The following HECW1 variants were observed in gnomAD, a reference collection of about 807,000 sequenced individuals.
The protein encoded by HECW1 is E3 ubiquitin-protein ligase HECW1.
In HECW1, 61 loss-of-function variants were observed where a neutral mutation model predicts 182.3. The ratio of observed to expected loss-of-function variants is 0.33; its 90% CI spans 0.27 to 0.41. HECW1 has a LOEUF of 0.41. HECW1 is among the 10% of genes least tolerant of loss of function. The pLI is 1.00. For missense variants in HECW1, 1,739 were observed against 2,108.9 expected (o/e 0.82, Z 3.44); for synonymous variants, 859 against 832.6 (o/e 1.03, Z -0.55).
chr7:43,130,867 A>ATT (rs201864069), intron 2 of HECW1, among the ~76,000 whole-genome samples: 1 of 152,004 alleles, frequency 6.6e-6, no homozygotes, highest in African/African-American at 2.4e-5. Flanking sequence ...CTCAACCTGT[A>ATT]TTAATAACTG....
At chr7:43,123,421 C>A (rs527572874) in intron 2 of HECW1, among the ~76,000 whole-genome samples, 1 of 152,278 alleles carries the variant, frequency 6.6e-6, no homozygotes, top group East Asian at 1.9e-4. Context: ...TGCCGAGAGA[C>A]CACTGCTGTA....
intron 3 of HECW1, among the ~76,000 whole-genome samples, chr7:43,247,938 A>T (rs1799580275): frequency 7.0e-6 from 1 of 142,082 alleles, no homozygotes. Flanking sequence ...GAAAAAAGAG[A>T]GAGAAAAAAG....
At chr7:43,178,162 A>G (rs554002491) in intron 2 of HECW1, among the ~76,000 whole-genome samples, 1 of 152,276 alleles carries the variant, frequency 6.6e-6, no homozygotes, top group East Asian at 1.9e-4. Context: ...GCCCACCACC[A>G]TGCCTGACTA....
chr7:43,361,809 C>CTA (rs372008399), intron 6 of HECW1, among the ~76,000 whole-genome samples: 3,746 of 129,280 alleles, frequency 0.029, 66 homozygotes, highest in Middle Eastern at 0.048. Flanking sequence ...ATAAAAAAGA[C>CTA]TCTCTCTTTT....
intron 4 of HECW1, 93 bp from the exon 5 acceptor site, chr7:43,320,542 C>A: frequency 2.4e-6 from 2 of 841,284 alleles, no homozygotes; most frequent in Non-Finnish European, 3.9e-6. Context: ...GAGATGGAAG[C>A]AGCATTTGTA....
At chr7:43,166,779 A>G (rs1014387885) in intron 2 of HECW1, among the ~76,000 whole-genome samples, 1 of 152,172 alleles carries the variant, frequency 6.6e-6, no homozygotes, top group Non-Finnish European at 1.5e-5. Flanking sequence ...GAAAGGGCCC[A>G]TTTGAATTAT....
chr7:43,446,573 T>C (rs1412715235), intron 11 of HECW1, among the ~76,000 whole-genome samples: 3 of 152,320 alleles, frequency 2.0e-5, no homozygotes, highest in South Asian at 2.1e-4. Context: ...CAGAGTTGTG[T>C]TTCTTTATGT....
intron 2 of HECW1, among the ~76,000 whole-genome samples, chr7:43,120,395 C>T (rs558313272): frequency 1.3e-5 from 2 of 152,238 alleles, no homozygotes; most frequent in South Asian, 2.1e-4. Context: ...CTTAGCACCA[C>T]GCAATTTGTT....
chr7:43,395,434 A>G lies in HECW1; in HGVS notation c.556-1380A>G, dbSNP rs115646220. On this transcript the variant is annotated intron_variant, in intron 6 of 29. Coordinates refer to ENST00000395891, the MANE Select transcript of HECW1 (RefSeq NM_015052.5). The stretch of plus-strand genomic sequence containing the variant: ...GCAAAGGCAGCTTTAAGACAAATGT[A>G]AGTTTCAAGTTTTCATAACACCTCA... Among the ~76,000 whole-genome samples the G allele has an allele frequency of 7.3e-3, 1,119 of 152,330 alleles. 10 individuals carry two copies. The highest frequency in any genetic ancestry group is 0.026 in the African/African-American group (1,065 of 41,576).
In HECW1 at chr7:43,361,815, C is replaced by CTTT. The variant is rs397890047; in HGVS notation, c.555+859_555+861dup. Among the ~76,000 whole-genome samples the CTTT allele has an allele frequency of 9.0e-4, 70 of 77,954 alleles. 1 individual carries two copies. Among genetic ancestry groups the CTTT allele is most frequent in the African/African-American group, 3.5e-3 (65 of 18,332 alleles). 51.1% of individuals were successfully genotyped at this position (77,954 alleles called of 152,430 possible). On this transcript the variant is annotated intron_variant, in intron 6 of 29. Coordinates refer to ENST00000395891, the MANE Select transcript of HECW1 (RefSeq NM_015052.5). The stretch of plus-strand genomic sequence containing the variant: ...CTAGTGGAAATAAAAAAGACTCTCT[C>CTTT]TTTTTTTTTTTTTTTTTTTTTTTTT...
chr7:43,158,391 T>C (rs780445986), intron 2 of HECW1, among the ~76,000 whole-genome samples: 3 of 151,646 alleles, frequency 2.0e-5, no homozygotes, highest in Non-Finnish European at 4.4e-5. Context: ...AAAACATAGA[T>C]AAGCAAAAAG....
intron 12 of HECW1, among the ~76,000 whole-genome samples, chr7:43,455,149 T>A (rs118056287): frequency 0.015 from 2,254 of 152,274 alleles, 34 homozygotes; most frequent in Non-Finnish European, 0.023. Context: ...TTTCTTTTGT[T>A]TTTAATTTGG....
chr7:43,156,398 G>T (rs1024752668), intron 2 of HECW1, among the ~76,000 whole-genome samples: 3 of 152,126 alleles, frequency 2.0e-5, no homozygotes, highest in Admixed American at 1.3e-4. Context: ...TTAATCAATG[G>T]TATTTCTCTT....
At chr7:43,453,631 T>C (rs951129875) in intron 12 of HECW1, among the ~76,000 whole-genome samples, 1 of 152,248 alleles carries the variant, frequency 6.6e-6, no homozygotes, top group Non-Finnish European at 1.5e-5. Flanking sequence ...TATAGGTTTT[T>C]GTTAATATAA....
chr7:43,545,295 A>G (rs1157072808), intron 26 of HECW1, among the ~76,000 whole-genome samples: 1 of 152,232 alleles, frequency 6.6e-6, no homozygotes, highest in Non-Finnish European at 1.5e-5. Context: ...TCTATTCAAG[A>G]AAACGAAGTC....
intron 5 of HECW1, among the ~76,000 whole-genome samples, chr7:43,355,576 C>G (rs1373820791): frequency 6.6e-6 from 1 of 150,382 alleles, no homozygotes; most frequent in Admixed American, 6.6e-5. Context: ...CTCATGGCAA[C>G]CAAAATGCAA....
chr7:43,490,171 G>A (rs1434004072), intron 17 of HECW1, among the ~76,000 whole-genome samples: 1 of 152,104 alleles, frequency 6.6e-6, no homozygotes, highest in African/African-American at 2.4e-5. Flanking sequence ...GGCAACAAAG[G>A]GTTGAGTCTC....
intron 2 of HECW1, among the ~76,000 whole-genome samples, chr7:43,222,995 C>G (rs1797116246): frequency 6.6e-6 from 1 of 152,190 alleles, no homozygotes; most frequent in African/African-American, 2.4e-5. Flanking sequence ...AGAAGCATTT[C>G]AAACAGAAAA....
intron 5 of HECW1, among the ~76,000 whole-genome samples, chr7:43,346,666 G>A (rs1813719322): frequency 6.6e-6 from 1 of 152,134 alleles, no homozygotes; most frequent in South Asian, 2.1e-4. Flanking sequence ...GTTGATTTTT[G>A]TATAAGGTGA....
Sources: allele counts gnomAD v4.1 joint callset (sites outside exome capture counted in the v4.1 genomes callset), GRCh38; gene constraint gnomAD v4.1.1; transcripts MANE v1.5; gene names NCBI Gene and HGNC (gene_info 2026-07-23, HGNC 2026-07-21).